ACAP2: variants seen among roughly 807,000 people sequenced by gnomAD.
ACAP2 encodes ArfGAP with coiled-coil, ankyrin repeat and PH domains 2, also known as arf-GAP with coiled-coil, ANK repeat and PH domain-containing protein 2.
Under a neutral mutation model 115.8 loss-of-function variants are expected in ACAP2, and 39 were observed. The observed-to-expected ratio is 0.34, with a 90% confidence interval of 0.26 to 0.44. ACAP2 has a LOEUF of 0.44. ACAP2 is among the 20% of genes least tolerant of loss of function. The pLI, the probability that ACAP2 is intolerant of heterozygous loss-of-function variation, is 1.00. For synonymous variants in ACAP2, 289 were observed against 315.8 expected, an observed-to-expected ratio of 0.92 and a Z score of 0.90; for missense variants, 662 against 927.6, an observed-to-expected ratio of 0.71 and a Z score of 3.72.
chr3:195,307,045 G>A (rs1170852451), intron 12 of ACAP2, among the ~76,000 whole-genome samples, 178 bp downstream of exon 12: 4 of 152,048 alleles, frequency 2.6e-5, no homozygotes, highest in Admixed American at 6.6e-5. Flanking sequence ...AATGGTAGAA[G>A]TTACATAAAT....
At chr3:195,385,245 T>C (rs1263265586) in intron 2 of ACAP2, among the ~76,000 whole-genome samples, 2 of 126,566 alleles carry the variant, frequency 1.6e-5, no homozygotes, top group African/African-American at 2.8e-5. Flanking sequence ...ATCTCTGTAT[T>C]CAAAAAAAAA....
At chr3:195,285,969 T>A in intron 21 of ACAP2, 112 bp from the exon 22 acceptor site, 1 of 769,552 alleles carries the variant, frequency 1.3e-6, no homozygotes, top group Non-Finnish European at 2.0e-6. Context: ...TATTTGCCAT[T>A]AAAATAATCT....
intron 20 of ACAP2, among the ~76,000 whole-genome samples, chr3:195,289,642 TAA>T (rs75605477): frequency 2.1e-5 from 3 of 140,788 alleles, no homozygotes; most frequent in Admixed American, 7.1e-5. Context: ...CTACTAAAAT[TAA>T]AAAAAAAAAA....
At chr3:195,326,775 T>A (rs1729823877) in intron 9 of ACAP2, 110 bp downstream of exon 9, 2 of 892,864 alleles carry the variant, frequency 2.2e-6, no homozygotes, top group East Asian at 5.1e-5. Flanking sequence ...ATCTGCACAA[T>A]TATTAGAACA....
intron 4 of ACAP2, among the ~76,000 whole-genome samples, chr3:195,371,519 C>T (rs943793546): frequency 6.6e-5 from 10 of 152,174 alleles, no homozygotes; most frequent in African/African-American, 2.2e-4. Context: ...GTCTGACTTC[C>T]TCTCTTCCTA....
intron 2 of ACAP2, among the ~76,000 whole-genome samples, chr3:195,386,440 T>A (rs992758479): frequency 6.6e-6 from 1 of 152,200 alleles, no homozygotes; most frequent in African/African-American, 2.4e-5. Context: ...TTGAAGTGTA[T>A]TTAAAAATTA....
chr3:195,429,471 G>C (rs563704347), intron 1 of ACAP2, among the ~76,000 whole-genome samples: 1 of 151,468 alleles, frequency 6.6e-6, no homozygotes, highest in African/African-American at 2.4e-5. Context: ...AAAACGCTGA[G>C]AATAATAATT....
At chr3:195,332,959 T>C in intron 8 of ACAP2, 69 bp downstream of exon 8, 2 of 1,181,658 alleles carry the variant, frequency 1.7e-6, no homozygotes, top group Non-Finnish European at 2.4e-6. Flanking sequence ...ACCTCCAATA[T>C]GCTAAATTTC....
intron 4 of ACAP2, among the ~76,000 whole-genome samples, chr3:195,378,100 G>A (rs1733685692): frequency 1.3e-5 from 2 of 151,998 alleles, no homozygotes; most frequent in Non-Finnish European, 2.9e-5. Context: ...GGAGGAGGAA[G>A]GGAGGAAGGA....
chr3:195,353,031 A>T (rs1215436028), intron 4 of ACAP2, among the ~76,000 whole-genome samples: 1 of 150,732 alleles, frequency 6.6e-6, no homozygotes, highest in East Asian at 2.0e-4. Flanking sequence ...CAATGAGCCA[A>T]GGTCATGCCA....
At chr3:195,302,826 T>G (rs912077190) in intron 13 of ACAP2, among the ~76,000 whole-genome samples, 1 of 152,180 alleles carries the variant, frequency 6.6e-6, no homozygotes, top group Non-Finnish European at 1.5e-5. Flanking sequence ...GTGTCACCCC[T>G]GTAATCCCAG....
At chr3:195,421,672 T>C (rs1305715382) in intron 1 of ACAP2, among the ~76,000 whole-genome samples, 1 of 152,190 alleles carries the variant, frequency 6.6e-6, no homozygotes, top group African/African-American at 2.4e-5. Flanking sequence ...CAATTGTGAG[T>C]GGTGGTTTGA....
chr3:195,395,448 T>A (rs1203523880), intron 1 of ACAP2, among the ~76,000 whole-genome samples: 1 of 152,246 alleles, frequency 6.6e-6, no homozygotes. Flanking sequence ...AACCTGTTTT[T>A]ACAAAGTCTA....
At chr3:195,427,370 G>C (rs1353179076) in intron 1 of ACAP2, among the ~76,000 whole-genome samples, 1 of 151,818 alleles carries the variant, frequency 6.6e-6, no homozygotes, top group Non-Finnish European at 1.5e-5. Context: ...GGGGTAATTT[G>C]CTATAACGGC....
chr3:195,284,247 TATC>T (rs1165569784), intron 22 of ACAP2, among the ~76,000 whole-genome samples: 1 of 152,238 alleles, frequency 6.6e-6, no homozygotes, highest in East Asian at 1.9e-4. Context: ...CTCTTACAAA[TATC>T]AGGTCATATT....
intron 10 of ACAP2, among the ~76,000 whole-genome samples, chr3:195,319,638 A>G (rs1729318974): frequency 1.3e-5 from 2 of 152,214 alleles, no homozygotes; most frequent in African/African-American, 4.8e-5. Context: ...TGTTTTGGTC[A>G]TATTTTCCCA....
intron 4 of ACAP2, among the ~76,000 whole-genome samples, chr3:195,378,334 T>C (rs111442353): frequency 0.022 from 3,282 of 151,526 alleles, 112 homozygotes; most frequent in East Asian, 0.1. Context: ...CTACTAAAAA[T>C]ACAAAAAATT....
At chr3:195,338,786 T>C (rs1577323787) in intron 6 of ACAP2, among the ~76,000 whole-genome samples, 1 of 152,296 alleles carries the variant, frequency 6.6e-6, no homozygotes, top group Middle Eastern at 3.4e-3. Context: ...AAAAGAATCA[T>C]TCACTCTTTG....
chr3:195,285,587 G>A (rs1223229131), intron 22 of ACAP2: 2 of 517,518 alleles, frequency 3.9e-6, no homozygotes, highest in Non-Finnish European at 6.8e-6. Flanking sequence ...GAAGAGTTAC[G>A]AATGTTTAAA....
Sources: allele counts gnomAD v4.1 joint callset (sites outside exome capture counted in the v4.1 genomes callset), GRCh38; gene constraint gnomAD v4.1.1; transcripts MANE v1.5; gene names NCBI Gene and HGNC (gene_info 2026-07-23, HGNC 2026-07-21).